Variants in MACROD2 observed in about 807,000 individuals in gnomAD.
The protein encoded by MACROD2 is mono-ADP ribosylhydrolase 2, also known as ADP-ribose glycohydrolase MACROD2.
A neutral mutation model predicts 70.4 loss-of-function variants in MACROD2; 36 were observed. The observed-to-expected ratio is 0.51, with a 90% confidence interval of 0.39 to 0.68. The LOEUF is 0.68. MACROD2 is among the 30% of genes least tolerant of loss of function. The pLI, the probability that MACROD2 is intolerant of heterozygous loss-of-function variation, is 0.00. For missense variants in MACROD2, 496 were observed against 538.4 expected, an observed-to-expected ratio of 0.92 and a Z score of 0.78; for synonymous variants, 172 against 178.8, an observed-to-expected ratio of 0.96 and a Z score of 0.30.
At chr20:14,373,626 G>A (rs1005193744) in intron 3 of MACROD2, among the ~76,000 whole-genome samples, 1 of 152,122 alleles carries the variant, frequency 6.6e-6, no homozygotes, top group Non-Finnish European at 1.5e-5. Context: ...TACCCTTAAA[G>A]TAATGCCTCA....
rs1459355480 is a variant in MACROD2 at position 14,412,127 on chromosome 20, A to G, written c.272-81352A>G. Among the ~76,000 whole-genome samples the G allele has an allele frequency of 2.6e-5, 4 of 152,070 alleles. No homozygotes were observed. The East Asian group carries it at 5.8e-4, about 22-fold the overall frequency. On this transcript the variant is annotated intron_variant, in intron 3 of 17. Transcript: ENST00000684519. ...ATTGCATCCAGCTTCTAAAATTGCA[A>G]TTTCTCTGCCCGCACTTTCTGTTTA...
chr20:14,597,419 T>A (rs1194778481), intron 4 of MACROD2, among the ~76,000 whole-genome samples: 1 of 152,094 alleles, frequency 6.6e-6, no homozygotes, highest in East Asian at 1.9e-4. Flanking sequence ...CAGGGAAGAG[T>A]GCTCAAAGAG....
At chr20:15,332,414 G>A (rs978268190) in intron 6 of MACROD2, among the ~76,000 whole-genome samples, 2 of 151,564 alleles carry the variant, frequency 1.3e-5, no homozygotes, top group Non-Finnish European at 2.9e-5. Flanking sequence ...TTTTCCTAAA[G>A]TATGAAATAG....
At chr20:15,103,808 T>G (rs2075890729) in intron 5 of MACROD2, among the ~76,000 whole-genome samples, 1 of 151,858 alleles carries the variant, frequency 6.6e-6, no homozygotes, top group Non-Finnish European at 1.5e-5. Flanking sequence ...AGACCAGAAT[T>G]GCATGAAGAA....
At chr20:14,609,740 G>C (rs1983039398) in intron 4 of MACROD2, among the ~76,000 whole-genome samples, 1 of 152,054 alleles carries the variant, frequency 6.6e-6, no homozygotes, top group Admixed American at 6.6e-5. Flanking sequence ...GGTTTATGTG[G>C]AAACAGACAT....
chr20:15,327,396 C>A (rs1162989871), intron 6 of MACROD2, among the ~76,000 whole-genome samples: 1 of 152,074 alleles, frequency 6.6e-6, no homozygotes, highest in Non-Finnish European at 1.5e-5. Flanking sequence ...ATATCTGCCA[C>A]TGGATAATTT....
intron 5 of MACROD2, among the ~76,000 whole-genome samples, chr20:14,733,698 C>A (rs899816333): frequency 6.6e-6 from 1 of 152,146 alleles, no homozygotes; most frequent in African/African-American, 2.4e-5. Context: ...AACAATGAAC[C>A]TGCAGAAGCA....
intron 3 of MACROD2, among the ~76,000 whole-genome samples, chr20:14,344,066 CTT>C (rs1253034145): frequency 1.3e-5 from 2 of 151,992 alleles, no homozygotes; most frequent in African/African-American, 4.8e-5. Flanking sequence ...GAGATTATCT[CTT>C]TGCTATTTCT....
intron 3 of MACROD2, among the ~76,000 whole-genome samples, chr20:14,364,928 G>T (rs2083258152): frequency 6.6e-6 from 1 of 152,132 alleles, no homozygotes; most frequent in Non-Finnish European, 1.5e-5. Flanking sequence ...ATATTGGTCT[G>T]AAGTTTTCAT....
At chr20:15,939,924 A>G (rs1209813499) in intron 12 of MACROD2, among the ~76,000 whole-genome samples, 1 of 152,194 alleles carries the variant, frequency 6.6e-6, no homozygotes, top group East Asian at 1.9e-4. Flanking sequence ...AAGATGTGGT[A>G]GAAATGTCAA....
intron 4 of MACROD2, among the ~76,000 whole-genome samples, chr20:14,612,593 A>T (rs967098198): frequency 6.6e-6 from 1 of 152,086 alleles, no homozygotes; most frequent in African/African-American, 2.4e-5. Context: ...GCATCATTTC[A>T]GTTGCTCAAC....
chr20:15,852,643 C>G (rs1032431201), intron 8 of MACROD2, among the ~76,000 whole-genome samples: 2 of 152,176 alleles, frequency 1.3e-5, no homozygotes, highest in African/African-American at 4.8e-5. Context: ...AATACGGACT[C>G]CTATGGGGTC....
chr20:15,973,188 T>G (rs1469338270), intron 13 of MACROD2, among the ~76,000 whole-genome samples: 1 of 152,148 alleles, frequency 6.6e-6, no homozygotes, highest in Non-Finnish European at 1.5e-5. Flanking sequence ...AATTGATATC[T>G]CTATATTTTG....
chr20:14,978,376 C>A (rs1395045784), intron 5 of MACROD2, among the ~76,000 whole-genome samples: 16 of 3,828 alleles, frequency 4.2e-3, no homozygotes, highest in Non-Finnish European at 0.012. Flanking sequence ...CCGCGCCCCG[C>A]CCCCCCCACT....
At chr20:14,935,819 A>G (rs531254815) in intron 5 of MACROD2, among the ~76,000 whole-genome samples, 1 of 152,296 alleles carries the variant, frequency 6.6e-6, no homozygotes, top group South Asian at 2.1e-4. Context: ...TTCTTTACAA[A>G]TGATTGTTTG....
Position 14,511,201 on chromosome 20 carries a change from G to A in MACROD2, c.301+17693G>A, listed in dbSNP as rs114841153. ...AAGTGTTGACAGGAGGGAGGCTGAA[G>A]ATTAGGGTTATTTTTTTGAGTAAGA... On this transcript the variant is annotated intron_variant, in intron 4 of 17. Transcript: ENST00000684519. Among the ~76,000 whole-genome samples the A allele has an allele frequency of 3.1e-3, 470 of 152,174 alleles. 5 individuals are homozygous for A. The highest frequency in any genetic ancestry group is 0.011 in the African/African-American group (459 of 41,544).
chr20:15,483,754 G>T (rs368862405), intron 7 of MACROD2, among the ~76,000 whole-genome samples: 34 of 151,902 alleles, frequency 2.2e-4, no homozygotes, highest in African/African-American at 8.2e-4. Context: ...CAGTTTTGGA[G>T]TTGTCCTCAT....
At chr20:14,555,251 C>T (rs1367971147) in intron 4 of MACROD2, among the ~76,000 whole-genome samples, 2 of 151,966 alleles carry the variant, frequency 1.3e-5, no homozygotes, top group Non-Finnish European at 2.9e-5. Context: ...ACACTATGTA[C>T]CCCCAAAAAC....
At position 15,709,614 on chromosome 20, in the gene MACROD2, C is replaced by T. The variant is rs151295924; in HGVS notation, c.646-153131C>T. ...CCCAGAAGTTGGAGGCTGCAGTGAGCTATAATTGCACCACTGCACTCCCGC... is the reference window on the plus strand; with the variant it reads ...CCCAGAAGTTGGAGGCTGCAGTGAGTTATAATTGCACCACTGCACTCCCGC... On this transcript the variant is annotated intron_variant, in intron 8 of 17. Transcript: ENST00000684519. 3.2e-3 allele frequency among the ~76,000 whole-genome samples: 488 copies of T among 152,274 alleles called. 2 individuals are homozygous for T. Among genetic ancestry groups the T allele is most frequent in the African/African-American group, 0.011 (469 of 41,548 alleles).
Sources: gnomAD v4.1 joint callset for allele counts (sites outside exome capture counted in the v4.1 genomes callset) on GRCh38, gnomAD v4.1.1 for gene constraint, MANE v1.5 for transcripts, NCBI Gene and HGNC (gene_info 2026-07-23, HGNC 2026-07-21) for gene names.